Variants in GLRA3 observed in about 807,000 individuals in gnomAD.
GLRA3 encodes the protein glycine receptor subunit alpha-3.
GLRA3 carries 44 observed loss-of-function variants against 60.4 expected under a neutral mutation model. The observed-to-expected ratio is 0.73, with a 90% CI of 0.57 to 0.94. The LOEUF (loss-of-function observed/expected upper bound fraction) is 0.94, where lower values mean the gene tolerates loss of function less well. Among genes scored for constraint, GLRA3 ranks in the 40% least tolerant of loss-of-function variants. The pLI is 0.00. For missense variants in GLRA3, 508 were observed against 564.6 expected, an observed-to-expected ratio of 0.90 and a Z score of 1.02; for synonymous variants, 223 against 192.9, an observed-to-expected ratio of 1.16 and a Z score of -1.29.
intron 1 of GLRA3, among the ~76,000 whole-genome samples, chr4:174,821,124 A>T (rs1006386877): frequency 1.3e-5 from 2 of 152,216 alleles, no homozygotes; most frequent in African/African-American, 4.8e-5. Flanking sequence ...ATAGAAAAAC[A>T]AATGACATAG....
chr4:174,671,360 A>C (rs1733898982), intron 7 of GLRA3, among the ~76,000 whole-genome samples: 1 of 152,086 alleles, frequency 6.6e-6, no homozygotes, highest in South Asian at 2.1e-4. Flanking sequence ...CACTAACACA[A>C]TGTACTCTCC....
intron 2 of GLRA3, among the ~76,000 whole-genome samples, chr4:174,779,109 C>T (rs10000870): frequency 0.33 from 50,762 of 151,916 alleles, 8,539 homozygotes; most frequent in East Asian, 0.48. Context: ...TCTCCCAGCA[C>T]GCAGCTGGAG....
intron 1 of GLRA3, among the ~76,000 whole-genome samples, chr4:174,817,014 C>G (rs1039866391): frequency 6.6e-6 from 1 of 152,118 alleles, no homozygotes; most frequent in Non-Finnish European, 1.5e-5. Flanking sequence ...TCCTTTCCTA[C>G]CTGTCACAGT....
At chr4:174,764,432 T>C (rs1738058764) in intron 3 of GLRA3, among the ~76,000 whole-genome samples, 3 of 152,040 alleles carry the variant, frequency 2.0e-5, no homozygotes, top group Non-Finnish European at 4.4e-5. Context: ...CAGACATAAA[T>C]ATATTCATTA....
At chr4:174,775,407 G>A (rs1329525738) in intron 2 of GLRA3, among the ~76,000 whole-genome samples, 1 of 151,918 alleles carries the variant, frequency 6.6e-6, no homozygotes, top group African/African-American at 2.4e-5. Context: ...TGTGATGAAG[G>A]GAGAAAAGGA....
intron 5 of GLRA3, among the ~76,000 whole-genome samples, chr4:174,696,732 T>A (rs1053246784): frequency 2.6e-5 from 4 of 152,080 alleles, no homozygotes; most frequent in Non-Finnish European, 4.4e-5. Flanking sequence ...TATTTTTGTT[T>A]GAAATATCTT....
rs1732678072 is a variant in GLRA3, at chr4:174,643,178, A to G, written c.*608T>C. On this transcript the variant is annotated 3_prime_UTR_variant, in exon 10 of 10. Transcript: ENST00000274093. ...ATTTGTTTTAAATTTGCACAGAGGA[A>G]AACTTAATATTCTAAACAATTAAAT... 8 of 833,322 alleles carry G rather than the reference A, an allele frequency of 9.6e-6. No homozygotes were observed. Among genetic ancestry groups the G allele is most frequent in the Non-Finnish European group, 1.2e-5 (8 of 692,018 alleles). 51.6% of individuals were successfully genotyped at this position (833,322 alleles called of 1,614,324 possible). A position where few individuals can be genotyped will look rare whatever the true frequency, so the allele number is the denominator to read the frequency against.
At chr4:174,683,106 T>C (rs935788192) in intron 5 of GLRA3, among the ~76,000 whole-genome samples, 167 bp from the exon 6 acceptor site, 37 of 152,312 alleles carry the variant, frequency 2.4e-4, no homozygotes, top group African/African-American at 8.7e-4. Context: ...TAAATGTCTG[T>C]TGAAGTCTAT....
chr4:174,657,931 G>A (rs1390340119), intron 8 of GLRA3, among the ~76,000 whole-genome samples: 1 of 152,106 alleles, frequency 6.6e-6, no homozygotes, highest in East Asian at 1.9e-4. Context: ...TTGGAGCAGT[G>A]ATGCTTTTGG....
intron 7 of GLRA3, among the ~76,000 whole-genome samples, chr4:174,667,385 C>A (rs1733720700): frequency 1.3e-5 from 2 of 152,128 alleles, no homozygotes; most frequent in South Asian, 4.1e-4. Flanking sequence ...GGATTATGAT[C>A]TGATCACTGT....
intron 7 of GLRA3, among the ~76,000 whole-genome samples, chr4:174,673,857 A>G (rs1163333017): frequency 6.6e-6 from 1 of 152,130 alleles, no homozygotes; most frequent in Non-Finnish European, 1.5e-5. Flanking sequence ...AACCTTCCCT[A>G]TTAGTAACTA....
rs1734950038 is a variant in GLRA3, at chr4:174,693,793, C to T, written c.575-10854G>A. On this transcript the variant is annotated intron_variant, in intron 5 of 9. Transcript: ENST00000274093. ...GCCCCACTTAAAAGGCACAGAGTGG[C>T]AAGCTGGATTTAAAAAAAAGACCTA... 2.0e-5 allele frequency among the ~76,000 whole-genome samples: 3 copies of T among 151,994 alleles called. No homozygotes were observed. In the South Asian group the frequency reaches 6.2e-4, roughly 32 times the overall value.
intron 5 of GLRA3, among the ~76,000 whole-genome samples, chr4:174,692,150 G>A (rs1342220978): frequency 5.3e-5 from 8 of 151,562 alleles, no homozygotes; most frequent in East Asian, 3.9e-4. Flanking sequence ...GAGCCCCTCC[G>A]CCCAGCAGCC....
chr4:174,718,028 A>T (rs924464014), intron 4 of GLRA3, among the ~76,000 whole-genome samples: 4 of 152,366 alleles, frequency 2.6e-5, no homozygotes, highest in Middle Eastern at 6.8e-3. Flanking sequence ...AAAAAGAGAC[A>T]TTACATAATT....
chr4:174,709,389 T>G (rs1489035355), intron 5 of GLRA3, among the ~76,000 whole-genome samples: 1 of 152,048 alleles, frequency 6.6e-6, no homozygotes, highest in African/African-American at 2.4e-5. Context: ...ATTGTTACTT[T>G]CTTAGGTTTC....
At chr4:174,788,712 T>C (rs1033541348) in intron 2 of GLRA3, 104 bp downstream of exon 2, 1 of 691,036 alleles carries the variant, frequency 1.4e-6, no homozygotes, top group Non-Finnish European at 2.2e-6. Context: ...ATTTGGAAGA[T>C]TGTTGAAAAT....
At position 174,788,899 on chromosome 4, in the gene GLRA3, G is replaced by A. The variant is rs1188347961; in HGVS notation, c.116C>T (p.Ala39Val). 1 of 1,607,202 alleles carries A rather than the reference G, an allele frequency of 6.2e-7. No individual in the cohort carries two copies. The highest frequency in any genetic ancestry group is 8.5e-7 in the Non-Finnish European group (1 of 1,174,910). Residue 39 changes from alanine to valine, a missense_variant, in exon 2 of 10, where the codon GCT becomes GTT. Coordinates refer to ENST00000274093, the MANE Select transcript of GLRA3 (RefSeq NM_006529.4). The part of the protein sequence containing the change: ...KETDSARSRS[A>V]PMSPSDFLDK... ...CAGAAAATCAGAAGGTGACATTGGA[G>A]CACTTCGAGATCTTGCACTGTCTGT...
At chr4:174,813,432 T>C (rs916844663) in intron 1 of GLRA3, among the ~76,000 whole-genome samples, 2 of 152,174 alleles carry the variant, frequency 1.3e-5, no homozygotes, top group East Asian at 3.9e-4. Context: ...TCTGCTGCAA[T>C]GAGGCTGGAC....
intron 3 of GLRA3, among the ~76,000 whole-genome samples, chr4:174,738,391 T>C (rs954418345): frequency 1.3e-5 from 2 of 152,228 alleles, no homozygotes; most frequent in African/African-American, 4.8e-5. Context: ...TTTACAGGTA[T>C]TTGGGTTTAT....
Sources: allele counts gnomAD v4.1 joint callset (sites outside exome capture counted in the v4.1 genomes callset), GRCh38; gene constraint gnomAD v4.1.1; transcripts MANE v1.5; gene names NCBI Gene and HGNC (gene_info 2026-07-23, HGNC 2026-07-21).